Variants in CASD1 observed in about 807,000 individuals in gnomAD.
The protein encoded by CASD1 is CAS1 domain sialic acid O acetyltransferase 1.
Under a neutral mutation model 100.0 loss-of-function variants are expected in CASD1, and 41 were observed. The ratio of observed to expected loss-of-function variants is 0.41; its 90% CI spans 0.32 to 0.53. CASD1 has a LOEUF of 0.53. Among genes scored for constraint, CASD1 ranks in the 20% least tolerant of loss-of-function variants. The probability of loss-of-function intolerance (pLI) is 0.25; values close to 1 mark genes in which losing one functional copy is unlikely to be tolerated. For missense variants in CASD1, 774 were observed against 948.7 expected, an observed-to-expected ratio of 0.82 and a Z score of 2.42; for synonymous variants, 321 against 315.6, an observed-to-expected ratio of 1.02 and a Z score of -0.18.
At chr7:94,633,356 C>T in the CASD1 span, among the ~76,000 whole-genome samples, 6 of 152,042 alleles carry the variant, frequency 3.9e-5, no homozygotes, top group Non-Finnish European at 5.9e-5. Context: ...GACAGGTAGT[C>T]ATAAGGAACA....
At chr7:94,516,195 ATT>A (rs1793971802) in intron 1 of CASD1, among the ~76,000 whole-genome samples, 1 of 152,106 alleles carries the variant, frequency 6.6e-6, no homozygotes, top group African/African-American at 2.4e-5. Context: ...GTTAACACAA[ATT>A]TAATAATTGA....
the CASD1 span, among the ~76,000 whole-genome samples, chr7:94,564,140 A>G: frequency 2.0e-5 from 3 of 152,340 alleles, no homozygotes; most frequent in East Asian, 5.8e-4. Context: ...ATGTGAATGC[A>G]CACAATTTCT....
downstream of CASD1, among the ~76,000 whole-genome samples, chr7:94,559,958 A>G (rs17166357): frequency 0.11 from 16,943 of 152,260 alleles, 1,290 homozygotes; most frequent in Non-Finnish European, 0.17. Context: ...TTAAAAGCTT[A>G]TACTATCATT....
chr7:94,548,742 G>A (rs903810552), intron 13 of CASD1, among the ~76,000 whole-genome samples: 13 of 151,356 alleles, frequency 8.6e-5, no homozygotes, highest in Non-Finnish European at 1.9e-4. Context: ...TTTTTATGCC[G>A]TAGCATTAGG....
At chr7:94,581,573 CA>C in the CASD1 span, among the ~76,000 whole-genome samples, 1 of 152,082 alleles carries the variant, frequency 6.6e-6, no homozygotes, top group African/African-American at 2.4e-5. Flanking sequence ...TGTTACCCCC[CA>C]TGTGTCCGTG....
chr7:94,600,021 T>A, the CASD1 span: 29 of 288,408 alleles, frequency 1.0e-4, no homozygotes, highest in Non-Finnish European at 1.7e-4. Flanking sequence ...ATGAAAGAAT[T>A]TGTTACTTGC....
intron 14 of CASD1, 58 bp downstream of exon 14, chr7:94,549,692 G>A (rs1177865448): frequency 9.9e-6 from 13 of 1,306,870 alleles, no homozygotes; most frequent in Non-Finnish European, 1.2e-5. Flanking sequence ...GAAAATGATT[G>A]GAAATTTTTG....
intron 10 of CASD1, among the ~76,000 whole-genome samples, chr7:94,539,695 A>T (rs1795298926): frequency 6.6e-6 from 1 of 151,670 alleles, no homozygotes; most frequent in African/African-American, 2.4e-5. Flanking sequence ...GAAAAAAGGA[A>T]ACTTTGAAGA....
At chr7:94,608,111 A>C in the CASD1 span, among the ~76,000 whole-genome samples, 95 of 152,328 alleles carry the variant, frequency 6.2e-4, no homozygotes, top group Non-Finnish European at 1.5e-4. Context: ...TTGCAGGCCG[A>C]GGCAGGTGGG....
chr7:94,521,653 A>C (rs1584382976), intron 3 of CASD1, among the ~76,000 whole-genome samples: 1 of 152,232 alleles, frequency 6.6e-6, no homozygotes. Flanking sequence ...TATGTATTTT[A>C]TACACATGCA....
chr7:94,533,585 CTA>C, intron 6 of CASD1, 92 bp from the exon 7 acceptor site: 1 of 909,068 alleles, frequency 1.1e-6, no homozygotes, highest in Non-Finnish European at 1.5e-6. Flanking sequence ...TGAGAAATAT[CTA>C]AAATAATAAC....
At chr7:94,537,392 C>G (rs1795171907) in intron 8 of CASD1, 80 bp from the exon 9 acceptor site, 3 of 1,283,450 alleles carry the variant, frequency 2.3e-6, no homozygotes, top group Non-Finnish European at 3.3e-6. Flanking sequence ...GCTAAAAACT[C>G]AGTAGTATTC....
At chr7:94,588,771 T>C in the CASD1 span, 1 of 1,612,760 alleles carries the variant, frequency 6.2e-7, no homozygotes. Flanking sequence ...ACTGTTTGTT[T>C]ACACACTTGT....
chr7:94,542,708 G>T (rs1795473851), intron 10 of CASD1, among the ~76,000 whole-genome samples: 3 of 152,118 alleles, frequency 2.0e-5, no homozygotes, highest in African/African-American at 7.2e-5. Context: ...TTGGGAATTT[G>T]TTTTCTTCTA....
chr7:94,566,716 A>G, the CASD1 span, among the ~76,000 whole-genome samples: 27 of 152,172 alleles, frequency 1.8e-4, no homozygotes, highest in Admixed American at 1.1e-3. Flanking sequence ...CTTTTTTTCA[A>G]ATGTGCCATA....
the CASD1 span, chr7:94,623,631 A>T: frequency 4.0e-6 from 2 of 501,566 alleles, no homozygotes; most frequent in East Asian, 6.2e-5. Flanking sequence ...TTAAAATCAG[A>T]AAGACTCTTT....
the CASD1 span, among the ~76,000 whole-genome samples, chr7:94,572,316 T>C: frequency 1.3e-5 from 2 of 152,222 alleles, no homozygotes; most frequent in African/African-American, 4.8e-5. Flanking sequence ...GAATATCTTT[T>C]CTTCTGTAAT....
the CASD1 span, among the ~76,000 whole-genome samples, chr7:94,570,685 G>A: frequency 4.5e-4 from 69 of 152,120 alleles, no homozygotes; most frequent in South Asian, 3.3e-3. Context: ...AGTGGAGACC[G>A]GGTTTCACCA....
chr7:94,570,701 G>T, the CASD1 span, among the ~76,000 whole-genome samples: 2 of 152,030 alleles, frequency 1.3e-5, no homozygotes, highest in Non-Finnish European at 2.9e-5. Flanking sequence ...CACCATGTTG[G>T]CCAGGCTGAT....
Sources: allele counts gnomAD v4.1 joint callset (sites outside exome capture counted in the v4.1 genomes callset), GRCh38; gene constraint gnomAD v4.1.1; transcripts MANE v1.5; gene names NCBI Gene and HGNC (gene_info 2026-07-23, HGNC 2026-07-21).